Variants in RBM26 observed in about 807,000 individuals in gnomAD.
The protein encoded by RBM26 is RNA-binding protein 26.
A neutral mutation model predicts 123.6 loss-of-function variants in RBM26; 30 were observed. The observed-to-expected ratio is 0.24, with a 90% CI of 0.18 to 0.33. The LOEUF is 0.33. Among genes scored for constraint, RBM26 ranks in the 10% least tolerant of loss-of-function variants. RBM26 has a pLI of 1.00. For synonymous variants in RBM26, 400 were observed against 404.4 expected (o/e 0.99, Z 0.13); for missense variants, 947 against 1,203.6 (o/e 0.79, Z 3.15).
chr13:79,382,201 TTAAC>T (rs1257571441), intron 1 of RBM26, among the ~76,000 whole-genome samples: 12 of 152,122 alleles, frequency 7.9e-5, no homozygotes, highest in Admixed American at 7.9e-4. Context: ...AACATTCAAA[TTAAC>T]TAATTAAAAA....
At chr13:79,372,573 T>TTGA (rs2076007621) in intron 3 of RBM26, among the ~76,000 whole-genome samples, 1 of 150,446 alleles carries the variant, frequency 6.6e-6, no homozygotes, top group South Asian at 2.1e-4. Context: ...TTCAAAAGTC[T>TTGA]AACATATATT....
intron 14 of RBM26, among the ~76,000 whole-genome samples, chr13:79,345,306 T>G (rs942138757): frequency 6.6e-6 from 1 of 152,010 alleles, no homozygotes; most frequent in Non-Finnish European, 1.5e-5. Flanking sequence ...AAACTCAGCT[T>G]AGGTTCAGCC....
intron 1 of RBM26, among the ~76,000 whole-genome samples, chr13:79,384,255 T>C (rs1217524739): frequency 6.6e-6 from 1 of 151,950 alleles, no homozygotes; most frequent in Non-Finnish European, 1.5e-5. Flanking sequence ...TTTTTTTTTT[T>C]TTTTTCTTTT....
chr13:79,325,612 G>A (rs1463150112), intron 20 of RBM26, among the ~76,000 whole-genome samples: 3 of 152,196 alleles, frequency 2.0e-5, no homozygotes, highest in African/African-American at 7.2e-5. Flanking sequence ...GCTAAGTGGC[G>A]TTACAAGAGT....
At chr13:79,363,308 C>T (rs963144508) in intron 9 of RBM26, among the ~76,000 whole-genome samples, 4 of 151,952 alleles carry the variant, frequency 2.6e-5, no homozygotes, top group African/African-American at 9.7e-5. Context: ...ATATAATTAA[C>T]AATAAATAAG....
chr13:79,386,591 T>TTAAAAAAAA (rs772916979), intron 1 of RBM26, among the ~76,000 whole-genome samples: 5 of 92,832 alleles, frequency 5.4e-5, no homozygotes, highest in East Asian at 4.1e-4. Flanking sequence ...ACTCTCTCTT[T>TTAAAAAAAA]AAAAAAAAAA....
chr13:79,379,045 A>T (rs2076868515), intron 1 of RBM26, 138 bp from the exon 2 acceptor site: 1 of 612,930 alleles, frequency 1.6e-6, no homozygotes, highest in Non-Finnish European at 2.9e-6. Flanking sequence ...GAGGACCTTG[A>T]AGAAATTTAA....
intron 20 of RBM26, among the ~76,000 whole-genome samples, chr13:79,330,132 T>C (rs564065595): frequency 2.0e-5 from 3 of 152,344 alleles, no homozygotes; most frequent in African/African-American, 2.4e-5. Flanking sequence ...ATTTCTATAC[T>C]ATAAAATGTA....
intron 18 of RBM26, 135 bp from the exon 19 acceptor site, chr13:79,337,437 A>C: frequency 9.6e-7 from 1 of 1,042,156 alleles, no homozygotes; most frequent in South Asian, 1.6e-5. Flanking sequence ...GGATCACATA[A>C]TTTAAATTGG....
At chr13:79,325,293 G>A (rs1209795195) in intron 20 of RBM26, among the ~76,000 whole-genome samples, 1 of 152,020 alleles carries the variant, frequency 6.6e-6, no homozygotes, top group Non-Finnish European at 1.5e-5. Context: ...AGTTTCCTCA[G>A]GAGGTATTTC....
At chr13:79,349,418 T>C (rs551652374) in intron 14 of RBM26, among the ~76,000 whole-genome samples, 1 of 152,148 alleles carries the variant, frequency 6.6e-6, no homozygotes, top group Non-Finnish European at 1.5e-5. Flanking sequence ...CACATATAAG[T>C]GAAATAGACA....
intron 13 of RBM26, among the ~76,000 whole-genome samples, chr13:79,353,753 T>C (rs1011799904): frequency 3.9e-5 from 6 of 152,160 alleles, no homozygotes; most frequent in Admixed American, 6.6e-5. Context: ...TAAGGTGGCA[T>C]CCACTAGCTA....
intron 1 of RBM26, among the ~76,000 whole-genome samples, chr13:79,404,193 T>C (rs961706232): frequency 6.6e-6 from 1 of 152,212 alleles, no homozygotes; most frequent in Non-Finnish European, 1.5e-5. Flanking sequence ...CCATCCACTT[T>C]CCTTCTCCCC....
At chr13:79,343,604 G>A (rs1337086681) in intron 16 of RBM26, among the ~76,000 whole-genome samples, 1 of 151,738 alleles carries the variant, frequency 6.6e-6, no homozygotes, top group Non-Finnish European at 1.5e-5. Context: ...ATAAATTAGA[G>A]TAACTCAGTC....
In RBM26 at chr13:79,371,923, T is replaced by C; in HGVS notation, c.335A>G (p.Lys112Arg). 6.3e-7 allele frequency: 1 copy of C among 1,593,802 alleles called. No homozygotes were observed. The change falls in exon 4 of 22, where the codon AAG (lysine) becomes AGG (arginine). Residue 112 changes from lysine to arginine, a missense_variant. Transcript: ENST00000438737. Reference protein sequence around the residue: ...EKDIKKEEITKEEEREKKFSR... With the variant: ...EKDIKKEEITREEEREKKFSR... ...AAACTTCTTCTCTCGCTCTTCCTCC[T>C]TAGTGATCTGATTAAAAAAAAAAAA...
chr13:79,400,202 C>T (rs1468294031), intron 1 of RBM26, among the ~76,000 whole-genome samples: 1 of 152,196 alleles, frequency 6.6e-6, no homozygotes. Flanking sequence ...GAAAACCATT[C>T]ATGGGAAAGG....
At chr13:79,347,094 T>G (rs2072455809) in intron 14 of RBM26, among the ~76,000 whole-genome samples, 1 of 152,234 alleles carries the variant, frequency 6.6e-6, no homozygotes, top group Non-Finnish European at 1.5e-5. Context: ...ATTTTTGACA[T>G]GTAGTATCAG....
intron 6 of RBM26, among the ~76,000 whole-genome samples, chr13:79,367,843 A>C (rs2075470559): frequency 6.6e-6 from 1 of 152,134 alleles, no homozygotes; most frequent in African/African-American, 2.4e-5. Context: ...AAAACAAAAA[A>C]AACACACAAA....
intron 12 of RBM26, among the ~76,000 whole-genome samples, chr13:79,354,845 A>C (rs991821031): frequency 1.3e-5 from 2 of 152,194 alleles, no homozygotes; most frequent in African/African-American, 4.8e-5. Context: ...TAAACACTCT[A>C]ACATTACACA....
Sources: allele counts gnomAD v4.1 joint callset (sites outside exome capture counted in the v4.1 genomes callset), GRCh38; gene constraint gnomAD v4.1.1; transcripts MANE v1.5; gene names NCBI Gene and HGNC (gene_info 2026-07-23, HGNC 2026-07-21).